EFL1: variants seen among roughly 807,000 people sequenced by gnomAD.
The protein encoded by EFL1 is elongation factor-like GTPase 1.
A neutral mutation model predicts 126.7 loss-of-function variants in EFL1; 76 were observed. The observed-to-expected ratio is 0.60, with a 90% CI of 0.50 to 0.73. The LOEUF is 0.73. EFL1 is among the 30% of genes least tolerant of loss of function. EFL1 has a pLI of 0.00. For synonymous variants in EFL1, 410 were observed against 448.4 expected (o/e 0.91, Z 1.08); for missense variants, 1,128 against 1,343.2 (o/e 0.84, Z 2.50).
chr15:82,149,279 G>A (rs140856819), intron 18 of EFL1, among the ~76,000 whole-genome samples: 246 of 152,212 alleles, frequency 1.6e-3, no homozygotes, highest in African/African-American at 5.6e-3. Context: ...TATAGACTCA[G>A]TACTCATACA....
At chr15:82,153,709 T>G (rs965506667) in intron 17 of EFL1, among the ~76,000 whole-genome samples, 13 of 152,238 alleles carry the variant, frequency 8.5e-5, no homozygotes, top group Admixed American at 8.5e-4. Flanking sequence ...AATAATTTAC[T>G]ACAACACTAC....
chr15:82,154,589 G>A (rs1298768344), intron 17 of EFL1, among the ~76,000 whole-genome samples: 1 of 152,148 alleles, frequency 6.6e-6, no homozygotes, highest in East Asian at 1.9e-4. Context: ...GAACACCCAT[G>A]TAAACTACAT....
chr15:82,253,975 CCTGT>C (rs1163954508), intron 3 of EFL1, among the ~76,000 whole-genome samples: 36 of 152,156 alleles, frequency 2.4e-4, no homozygotes, highest in Non-Finnish European at 4.3e-4. Context: ...AAATTCTTAA[CCTGT>C]CTATTTTCTC....
At chr15:82,159,152 AT>A (rs74333836) in intron 16 of EFL1, among the ~76,000 whole-genome samples, 31 of 143,586 alleles carry the variant, frequency 2.2e-4, no homozygotes, top group Admixed American at 4.8e-4. Flanking sequence ...GCATACTGTA[AT>A]TTTTTTTTTG....
chr15:82,251,119 G>A (rs1432976586), intron 4 of EFL1, among the ~76,000 whole-genome samples: 1 of 152,154 alleles, frequency 6.6e-6, no homozygotes, highest in Non-Finnish European at 1.5e-5. Context: ...GGCTGAGGCA[G>A]GAGAATCGCT....
At position 82,138,638 on chromosome 15, in the gene EFL1, A is replaced by T. The variant is rs111858844; in HGVS notation, c.3174+20T>A. On this transcript the variant is annotated intron_variant, in intron 19 of 19. Coordinates refer to ENST00000268206, the MANE Select transcript of EFL1 (RefSeq NM_024580.6). ...TCCATAGATGAGAAGGAAGGAATGA[A>T]TGGGAACTTGGATTTTTACCTCCCA... 125 of 1,611,012 alleles carry T rather than the reference A, an allele frequency of 7.8e-5. No homozygotes were observed. In the African/African-American group the frequency reaches 1.3e-3, roughly 17 times the overall value.
chr15:82,132,297 G>A (rs1405353415), intron 19 of EFL1, among the ~76,000 whole-genome samples: 1 of 152,154 alleles, frequency 6.6e-6, no homozygotes, highest in African/African-American at 2.4e-5. Context: ...AGACCAACGA[G>A]ACGCTTCGCA....
intron 7 of EFL1, among the ~76,000 whole-genome samples, chr15:82,237,232 A>G (rs1358957351): frequency 1.3e-5 from 2 of 152,234 alleles, no homozygotes; most frequent in Non-Finnish European, 2.9e-5. Flanking sequence ...AAGTCAAACT[A>G]CAGACTGGGA....
chr15:82,230,711 T>G, intron 8 of EFL1, 137 bp downstream of exon 8: 1 of 1,022,912 alleles, frequency 9.8e-7, no homozygotes, highest in Non-Finnish European at 1.3e-6. Context: ...CCTTTCCCAA[T>G]TATATACAGT....
At chr15:82,211,629 T>C (rs1479701426) in intron 15 of EFL1, among the ~76,000 whole-genome samples, 1 of 80,932 alleles carries the variant, frequency 1.2e-5, no homozygotes, top group Non-Finnish European at 2.4e-5. Context: ...CTAGACTCTC[T>C]GGCCTCTTCT....
Position 82,163,945 on chromosome 15 carries a change from G to A in EFL1, c.1790C>T (p.Thr597Ile). 1 of 1,614,110 alleles carries A rather than the reference G, an allele frequency of 6.2e-7. No homozygotes were observed. The highest frequency in any genetic ancestry group is 8.5e-7 in the Non-Finnish European group (1 of 1,179,988). ...TGGGCAGGATGGCAGGCTACACAGT[G>A]TTGCAGATTTCAGCACAAAATCTTG... is the stretch of plus-strand genomic sequence containing the variant. ...GLQDFVLKSA[T>I]LCSLPSCPPF... The change falls in exon 16 of 20, where the codon ACA becomes ATA. Residue 597 changes from threonine (T) to isoleucine (I), a missense_variant. Physicochemically the swap from Thr to Ile is moderately conservative, Grantham distance 89 (BLOSUM62 -1). This residue lies in a region of EFL1 where 561 missense variants were observed against 641.7 expected (regional missense o/e 0.87). Coordinates refer to ENST00000268206, the MANE Select transcript of EFL1 (RefSeq NM_024580.6).
At chr15:82,207,347 T>C (rs1228923465) in intron 15 of EFL1, among the ~76,000 whole-genome samples, 1 of 151,180 alleles carries the variant, frequency 6.6e-6, no homozygotes, top group Non-Finnish European at 1.5e-5. Context: ...CATGTATATA[T>C]AAATTCCTCT....
intron 8 of EFL1, among the ~76,000 whole-genome samples, chr15:82,230,579 C>A (rs1438416291): frequency 6.6e-6 from 1 of 151,744 alleles, no homozygotes; most frequent in Non-Finnish European, 1.5e-5. Context: ...TGCCCAAGAT[C>A]TAAGATTTTT....
At chr15:82,164,932 T>G (rs1397917728) in intron 15 of EFL1, among the ~76,000 whole-genome samples, 1 of 150,682 alleles carries the variant, frequency 6.6e-6, no homozygotes, top group Non-Finnish European at 1.5e-5. Context: ...AGAGGCATAT[T>G]GAATCTCACA....
chr15:82,134,165 C>T (rs1346291972), intron 19 of EFL1, among the ~76,000 whole-genome samples: 2 of 152,180 alleles, frequency 1.3e-5, no homozygotes, highest in African/African-American at 4.8e-5. Context: ...TCTGTGTGGA[C>T]AGCCTGAAGC....
In EFL1 at chr15:82,227,611, T is replaced by G. The variant is rs1567071307; in HGVS notation, c.1070-39A>C. ...TTAAGGACTGAAAACCTTGAGCCAG[T>G]GCCTCCCACCAAGGCGAAGATTCAC... On this transcript the variant is annotated intron_variant, in intron 10 of 19. Transcript: ENST00000268206. 3 of 1,613,292 alleles carry G rather than the reference T, an allele frequency of 1.9e-6. No individual in the cohort carries two copies. The East Asian group carries it at 6.7e-5, about 36-fold the overall frequency.
intron 15 of EFL1, among the ~76,000 whole-genome samples, chr15:82,178,694 T>G (rs2074219002): frequency 6.6e-6 from 1 of 152,172 alleles, no homozygotes; most frequent in African/African-American, 2.4e-5. Flanking sequence ...TTCTTCTCCC[T>G]TAGGAGGAAT....
At position 82,252,780 on chromosome 15, in the gene EFL1, A is replaced by C. The variant is rs1567080398; in HGVS notation, c.160-5T>G. 1 of 1,545,774 alleles carries C rather than the reference A, an allele frequency of 6.5e-7. No homozygotes were observed. ...TCTGCTGTCCATGTACCTTAACTGGAAAAATGCAACATATGCATCTTCACT... is the reference window on the plus strand; with the variant it reads ...TCTGCTGTCCATGTACCTTAACTGGCAAAATGCAACATATGCATCTTCACT... On this transcript the variant is annotated splice_polypyrimidine_tract_variant and splice_region_variant and intron_variant, in intron 3 of 19. Coordinates refer to ENST00000268206, the MANE Select transcript of EFL1 (RefSeq NM_024580.6).
At chr15:82,229,683 TAA>T (rs1217087845) in intron 8 of EFL1, among the ~76,000 whole-genome samples, 5 of 152,120 alleles carry the variant, frequency 3.3e-5, no homozygotes, top group African/African-American at 1.2e-4. Flanking sequence ...ATTAAGAAAT[TAA>T]AAGTCATTGG....
Sources: gnomAD v4.1 joint callset for allele counts (sites outside exome capture counted in the v4.1 genomes callset) on GRCh38, gnomAD v4.1.1 for gene constraint, gnomAD v4.1.1 regional missense constraint, MANE v1.5 for transcripts, NCBI Gene and HGNC (gene_info 2026-07-23, HGNC 2026-07-21) for gene names.